CLSTN1: variants seen among roughly 807,000 people sequenced by gnomAD.
CLSTN1 encodes calsyntenin 1, also known as calsyntenin-1.
Under a neutral mutation model 108.3 loss-of-function variants are expected in CLSTN1, and 28 were observed. The observed-to-expected ratio is 0.26, with a 90% CI of 0.19 to 0.35. The LOEUF is 0.35. Among genes scored for constraint, CLSTN1 ranks in the 10% least tolerant of loss-of-function variants. The probability of loss-of-function intolerance (pLI) is 1.00; values close to 1 mark genes in which losing one functional copy is unlikely to be tolerated. For synonymous variants in CLSTN1, 524 were observed against 534.9 expected, an observed-to-expected ratio of 0.98 and a Z score of 0.28; for missense variants, 1,157 against 1,302.6, an observed-to-expected ratio of 0.89 and a Z score of 1.72.
At position 9,819,030 on chromosome 1, in the gene CLSTN1, G is replaced by A. The variant is rs548942149; in HGVS notation, c.91+4613C>T. Among the ~76,000 whole-genome samples, 102 of 149,670 alleles carry A rather than the reference G, an allele frequency of 6.8e-4. No homozygotes were observed. In the South Asian group the frequency reaches 0.01, roughly 15 times the overall value. On this transcript the variant is annotated intron_variant, in intron 1 of 18. Transcript: ENST00000377298. ...AGGATGGTCTTGATCTCCTGACCTC[G>A]TGATCCACCCACATTGGCCTCCCAA...
chr1:9,788,903 C>T (rs1653629440), intron 1 of CLSTN1, among the ~76,000 whole-genome samples: 2 of 149,124 alleles, frequency 1.3e-5, no homozygotes, highest in Non-Finnish European at 3.0e-5. Context: ...AGGAATTTGA[C>T]TATTCTAGTA....
At chr1:9,820,274 C>T (rs1557730451) in intron 1 of CLSTN1, among the ~76,000 whole-genome samples, 2 of 152,136 alleles carry the variant, frequency 1.3e-5, no homozygotes, top group African/African-American at 4.8e-5. Context: ...AATCTCAGCA[C>T]TGTGGGAGGC....
chr1:9,803,370 C>T (rs1195921463), intron 1 of CLSTN1, among the ~76,000 whole-genome samples: 1 of 152,124 alleles, frequency 6.6e-6, no homozygotes, highest in Non-Finnish European at 1.5e-5. Context: ...TCAACCTCTC[C>T]CATCAAGGCA....
At chr1:9,745,745 T>C (rs1034160553) in intron 7 of CLSTN1, among the ~76,000 whole-genome samples, 1 of 151,538 alleles carries the variant, frequency 6.6e-6, no homozygotes, top group Non-Finnish European at 1.5e-5. Context: ...TATCATGTAA[T>C]TTAAACTATC....
chr1:9,750,143 T>A (rs1278559712), intron 5 of CLSTN1: 1 of 458,896 alleles, frequency 2.2e-6, no homozygotes, highest in Admixed American at 3.9e-5. Context: ...CAGCTCAGTC[T>A]CCACTTACTC....
chr1:9,761,746 G>A (rs141766160), intron 2 of CLSTN1, among the ~76,000 whole-genome samples: 254 of 152,134 alleles, frequency 1.7e-3, no homozygotes, highest in Non-Finnish European at 2.6e-3. Context: ...TCCTACACAC[G>A]TCTCCCAGCT....
At chr1:9,802,852 T>C (rs1219293037) in intron 1 of CLSTN1, among the ~76,000 whole-genome samples, 2 of 135,822 alleles carry the variant, frequency 1.5e-5, no homozygotes, top group African/African-American at 2.7e-5. Context: ...TGAGACAGAG[T>C]CTCACTTTGT....
At chr1:9,806,771 C>G (rs1314384890) in intron 1 of CLSTN1, among the ~76,000 whole-genome samples, 1 of 151,634 alleles carries the variant, frequency 6.6e-6, no homozygotes, top group Non-Finnish European at 1.5e-5. Flanking sequence ...CCCAGCTACT[C>G]GGGAGGCTGA....
At chr1:9,802,823 A>AT (rs34247091) in intron 1 of CLSTN1, among the ~76,000 whole-genome samples, 94,533 of 130,534 alleles carry the variant, frequency 0.72, 36,944 homozygotes, top group East Asian at 0.89. Context: ...ATTTTCTTAG[A>AT]TTTTTTTTTT....
At chr1:9,800,752 AAAAT>A (rs1176649763) in intron 1 of CLSTN1, among the ~76,000 whole-genome samples, 10 of 150,060 alleles carry the variant, frequency 6.7e-5, no homozygotes, top group Middle Eastern at 3.4e-3. Flanking sequence ...AAAATAAAAT[AAAAT>A]AAATAAATAA....
At chr1:9,797,655 G>GAA in intron 1 of CLSTN1, among the ~76,000 whole-genome samples, 1 of 151,714 alleles carries the variant, frequency 6.6e-6, no homozygotes, top group East Asian at 1.9e-4. Context: ...GAAGAGAAGA[G>GAA]AAGGCTGGCT....
intron 1 of CLSTN1, among the ~76,000 whole-genome samples, chr1:9,788,233 A>C (rs1653586232): frequency 6.6e-6 from 1 of 151,242 alleles, no homozygotes; most frequent in African/African-American, 2.4e-5. Flanking sequence ...TCCAGCCTGC[A>C]TGACAGAGTG....
In CLSTN1 at chr1:9,742,336, C is replaced by G. The variant is rs78074245; in HGVS notation, c.1357-1080G>C. 9.2e-3 allele frequency among the ~76,000 whole-genome samples: 1,392 copies of G among 152,072 alleles called. 14 individuals carry two copies. The highest frequency in any genetic ancestry group is 0.043 in the East Asian group (222 of 5,168). On this transcript the variant is annotated intron_variant, in intron 9 of 18. Transcript: ENST00000377298. ...TTTGGGATTTCTTGAAAATTATTAA[C>G]TAACGTTTGAGGGGGTGATAAAAAT...
chr1:9,809,558 A>G (rs1219944690), intron 1 of CLSTN1, among the ~76,000 whole-genome samples: 1 of 152,114 alleles, frequency 6.6e-6, no homozygotes, highest in East Asian at 1.9e-4. Context: ...AGGAGGCTGG[A>G]TCACTTGAGG....
At chr1:9,740,496 G>A (rs772370898) in intron 10 of CLSTN1, among the ~76,000 whole-genome samples, 11 of 152,190 alleles carry the variant, frequency 7.2e-5, no homozygotes, top group African/African-American at 1.4e-4. Context: ...GTGAGACAAC[G>A]TGTATAAAGG....
intron 1 of CLSTN1, among the ~76,000 whole-genome samples, chr1:9,797,643 AAGAAG>A (rs141684604): frequency 0.016 from 2,389 of 152,162 alleles, 55 homozygotes; most frequent in African/African-American, 0.053. Context: ...CCTGTCTCAA[AAGAAG>A]AGAAGAGAAG....
Position 9,735,632 on chromosome 1 carries a change from C to T in CLSTN1, c.1735-17G>A. 1 of 1,613,982 alleles carries T rather than the reference C, an allele frequency of 6.2e-7. No homozygotes were observed. The highest frequency in any genetic ancestry group is 8.5e-7 in the Non-Finnish European group (1 of 1,179,968). On this transcript the variant is annotated splice_polypyrimidine_tract_variant and intron_variant, in intron 12 of 18. Transcript: ENST00000377298. ...TGCTTGGATCTGAAATCACACCAGC[C>T]ACAGAGAGGAGAAGAATAAGCCAGT...
chr1:9,730,341 C>T lies in CLSTN1; in HGVS notation c.*167G>A, dbSNP rs532276918. 5 of 686,394 alleles carry T rather than the reference C, an allele frequency of 7.3e-6. No individual in the cohort carries two copies. The highest frequency in any genetic ancestry group is 3.3e-5 in the South Asian group (2 of 61,482). 42.5% of individuals were successfully genotyped at this position (686,394 alleles called of 1,614,324 possible). On this transcript the variant is annotated 3_prime_UTR_variant, in exon 19 of 19. Coordinates refer to ENST00000377298, the MANE Select transcript of CLSTN1 (RefSeq NM_001009566.3). This position sits in a 1 kb window ranked among gnomAD's most constrained non-coding sequence, Gnocchi z 5.6. ...AGAGCGCGACCAGGCAGAGGGTGGG[C>T]GGGGAGCCTAGGGTCCTACACACCA...
At chr1:9,811,462 C>T (rs1654753297) in intron 1 of CLSTN1, among the ~76,000 whole-genome samples, 1 of 152,094 alleles carries the variant, frequency 6.6e-6, no homozygotes, top group South Asian at 2.1e-4. Flanking sequence ...TGGATATTTA[C>T]AGACAGCTCA....
Sources: gnomAD v4.1 joint callset for allele counts (sites outside exome capture counted in the v4.1 genomes callset) on GRCh38, gnomAD v4.1.1 for gene constraint, Gnocchi (gnomAD v3.1) non-coding constraint, MANE v1.5 for transcripts, NCBI Gene and HGNC (gene_info 2026-07-23, HGNC 2026-07-21) for gene names.